EYS: variants seen among roughly 807,000 people sequenced by gnomAD.
EYS encodes the protein EGF-like photoreceptor maintenance factor, also known as protein eyes shut homolog.
EYS carries 250 observed loss-of-function variants against 282.1 expected under a neutral mutation model. The ratio of observed to expected loss-of-function variants is 0.89; its 90% CI spans 0.80 to 0.98. EYS has a LOEUF of 0.98. Ranked by LOEUF, EYS falls within the 50% of genes least tolerant of loss-of-function variation. The pLI, the probability that EYS is intolerant of heterozygous loss-of-function variation, is 0.00. For synonymous variants in EYS, 1,355 were observed against 1,282.9 expected (o/e 1.06, Z -1.20); for missense variants, 4,016 against 3,709.0 (o/e 1.08, Z -2.15).
chr6:64,874,611 G>C (rs534254432), intron 19 of EYS, among the ~76,000 whole-genome samples: 3 of 151,948 alleles, frequency 2.0e-5, no homozygotes, highest in Admixed American at 6.6e-5. Flanking sequence ...TGAGGAGCTC[G>C]GGACATGAAA....
intron 35 of EYS, among the ~76,000 whole-genome samples, chr6:63,908,634 A>G (rs1773842554): frequency 6.6e-6 from 1 of 152,112 alleles, no homozygotes; most frequent in Non-Finnish European, 1.5e-5. Context: ...TAATTTTAGT[A>G]GAGATGGGGT....
At chr6:64,106,272 A>G (rs960402744) in intron 31 of EYS, among the ~76,000 whole-genome samples, 1 of 152,100 alleles carries the variant, frequency 6.6e-6, no homozygotes, top group African/African-American at 2.4e-5. Flanking sequence ...CAATATAACT[A>G]ATTTAGAACT....
At chr6:64,744,552 A>G (rs978957558) in intron 22 of EYS, among the ~76,000 whole-genome samples, 2 of 152,306 alleles carry the variant, frequency 1.3e-5, no homozygotes, top group African/African-American at 4.8e-5. Flanking sequence ...GAAGTAGACT[A>G]AAAGTTAAAC....
intron 12 of EYS, among the ~76,000 whole-genome samples, chr6:65,230,442 T>C (rs1766741270): frequency 6.6e-6 from 1 of 151,858 alleles, no homozygotes; most frequent in African/African-American, 2.4e-5. Context: ...CAATTAGTTT[T>C]CCCCCCAGAA....
At position 65,001,609 on chromosome 6, in the gene EYS, C is replaced by T. The variant is rs530767240; in HGVS notation, c.2138-3906G>A. On this transcript the variant is annotated intron_variant, in intron 13 of 42. Coordinates refer to ENST00000503581, the MANE Select transcript of EYS (RefSeq NM_001142800.2). Reference sequence around the variant, plus strand: ...GAATGCCTGTTCTCATTTATGGCTACGGGTATCCAGGCTTGAGGATGCGGC... The same window carrying T: ...GAATGCCTGTTCTCATTTATGGCTATGGGTATCCAGGCTTGAGGATGCGGC... Among the ~76,000 whole-genome samples, 45 of 147,616 alleles carry T rather than the reference C, an allele frequency of 3.0e-4. 6 individuals are homozygous for T. Among genetic ancestry groups the T allele is most frequent in the African/African-American group, 5.9e-4 (24 of 40,930 alleles).
At chr6:64,428,492 C>G (rs954572591) in intron 28 of EYS, among the ~76,000 whole-genome samples, 1 of 152,068 alleles carries the variant, frequency 6.6e-6, no homozygotes, top group African/African-American at 2.4e-5. Flanking sequence ...CCTCTCTTAT[C>G]AGGTTAGAGT....
At chr6:64,964,607 C>T (rs1770034219) in intron 14 of EYS, among the ~76,000 whole-genome samples, 1 of 152,080 alleles carries the variant, frequency 6.6e-6, no homozygotes, top group Non-Finnish European at 1.5e-5. Flanking sequence ...GCAAGCAATT[C>T]ATCAAAGTAT....
intron 41 of EYS, among the ~76,000 whole-genome samples, chr6:63,751,017 G>C (rs1271816429): frequency 1.3e-5 from 2 of 151,908 alleles, no homozygotes; most frequent in Non-Finnish European, 2.9e-5. Context: ...CACTAATTTT[G>C]ATTATTTCAG....
intron 28 of EYS, among the ~76,000 whole-genome samples, chr6:64,392,837 G>A (rs1209723993): frequency 6.6e-6 from 1 of 151,700 alleles, no homozygotes; most frequent in Non-Finnish European, 1.5e-5. Context: ...ATGAATCCAG[G>A]AGCTGGATTT....
intron 1 of EYS, among the ~76,000 whole-genome samples, chr6:65,659,099 T>C (rs1041713580): frequency 6.6e-6 from 1 of 151,666 alleles, no homozygotes; most frequent in Non-Finnish European, 1.5e-5. Flanking sequence ...ATTTAATTTA[T>C]AGCCTTACAT....
intron 33 of EYS, among the ~76,000 whole-genome samples, chr6:64,006,655 A>G (rs1003815424): frequency 7.9e-5 from 12 of 152,076 alleles, no homozygotes; most frequent in African/African-American, 2.9e-4. Context: ...ATTTTGAAGT[A>G]TGTTTCTTCA....
At chr6:63,815,639 T>C (rs1447230244) in intron 36 of EYS, among the ~76,000 whole-genome samples, 2 of 152,192 alleles carry the variant, frequency 1.3e-5, no homozygotes, top group Non-Finnish European at 2.9e-5. Context: ...TTAACTGATA[T>C]TCAGGATATA....
At chr6:65,445,742 T>C (rs1768628997) in intron 5 of EYS, among the ~76,000 whole-genome samples, 1 of 151,840 alleles carries the variant, frequency 6.6e-6, no homozygotes, top group African/African-American at 2.4e-5. Context: ...CATGTTTTCA[T>C]ATTTAACCGT....
chr6:63,800,611 G>A (rs947373988), intron 37 of EYS, among the ~76,000 whole-genome samples: 1 of 148,556 alleles, frequency 6.7e-6, no homozygotes, highest in Non-Finnish European at 1.5e-5. Context: ...TGACCAGCCT[G>A]ACCAACATGA....
rs115541260 is a variant in EYS, at chr6:65,255,919, C to T, written c.2023+39944G>A. Reference sequence around the variant, plus strand: ...TCAGGAGGAATATGAATTAGTACAGCCACTGTGGATAACAATCTGCAAGTT... The same window carrying T: ...TCAGGAGGAATATGAATTAGTACAGTCACTGTGGATAACAATCTGCAAGTT... On this transcript the variant is annotated intron_variant, in intron 12 of 42. Transcript: ENST00000503581. 4.8e-3 allele frequency among the ~76,000 whole-genome samples: 736 copies of T among 152,100 alleles called. 6 individuals carry two copies. The highest frequency in any genetic ancestry group is 0.017 in the African/African-American group (704 of 41,540).
rs1562079554 is a variant in EYS, at chr6:64,590,876, G to GTCTT, written c.4987_4990dup (p.Thr1664LysfsTer20). The GTCTT allele has an allele frequency of 6.5e-7, 1 of 1,550,100 alleles. No individual in the cohort carries two copies. Among genetic ancestry groups the GTCTT allele is most frequent in the East Asian group, 2.4e-5 (1 of 40,894 alleles). On this transcript the variant is annotated frameshift_variant, in exon 26 of 43. Coordinates refer to ENST00000503581, the MANE Select transcript of EYS (RefSeq NM_001142800.2). LOFTEE classifies it high-confidence loss of function. ...TTGTGAAGGGACAATGGATAAACAA[G>GTCTT]TCTTATCCAAACATAAATTAACATC...
At chr6:64,506,162 T>G (rs142766269) in intron 26 of EYS, among the ~76,000 whole-genome samples, 13 of 152,180 alleles carry the variant, frequency 8.5e-5, no homozygotes, top group Admixed American at 5.9e-4. Context: ...CTGTATAAAA[T>G]TGTATTTTAA....
chr6:63,784,636 C>A (rs530016295), intron 39 of EYS, among the ~76,000 whole-genome samples: 1 of 152,030 alleles, frequency 6.6e-6, no homozygotes, highest in Admixed American at 6.6e-5. Flanking sequence ...TATTAAACAA[C>A]CAGATCTCAT....
intron 14 of EYS, 44 bp from the exon 15 acceptor site, chr6:64,945,958 A>G (rs1769276012): frequency 6.9e-7 from 1 of 1,458,542 alleles, no homozygotes; most frequent in Non-Finnish European, 9.3e-7. Context: ...ATTTCTTACT[A>G]TTAAGCCTAT....
Sources: gnomAD v4.1 joint callset for allele counts (sites outside exome capture counted in the v4.1 genomes callset) on GRCh38, gnomAD v4.1.1 for gene constraint, MANE v1.5 for transcripts, NCBI Gene and HGNC (gene_info 2026-07-23, HGNC 2026-07-21) for gene names.